Variants in AFG2A observed in about 807,000 individuals in gnomAD.
AFG2A encodes the protein AAA ATPase AFG2A, also known as ATPase family gene 2 protein homolog A.
the AFG2A span, among the ~76,000 whole-genome samples, chr4:122,969,159 C>T: frequency 3.4e-3 from 512 of 151,584 alleles, 3 homozygotes; most frequent in Middle Eastern, 0.014. Flanking sequence ...TCCAGTTCAT[C>T]AGTCTTTTTC....
chr4:123,211,793 C>T, the AFG2A span, among the ~76,000 whole-genome samples: 3 of 151,994 alleles, frequency 2.0e-5, no homozygotes, highest in East Asian at 5.8e-4. Context: ...GAAGAGTAAA[C>T]CTGTGGTTGT....
At chr4:123,270,327 A>G in the AFG2A span, among the ~76,000 whole-genome samples, 1 of 152,326 alleles carries the variant, frequency 6.6e-6, no homozygotes, top group East Asian at 1.9e-4. Context: ...GACAATAACT[A>G]TTTAGTCTGA....
chr4:122,985,116 T>G, the AFG2A span, among the ~76,000 whole-genome samples: 1 of 147,588 alleles, frequency 6.8e-6, no homozygotes, highest in East Asian at 1.9e-4. Context: ...GTTGGAAAAT[T>G]TTTTTTTTCT....
chr4:123,001,391 A>T, the AFG2A span, among the ~76,000 whole-genome samples: 6 of 151,726 alleles, frequency 4.0e-5, no homozygotes, highest in South Asian at 2.1e-4. Context: ...TCTAATTGTG[A>T]TGTTAGGGTG....
At chr4:123,102,753 T>C in the AFG2A span, among the ~76,000 whole-genome samples, 2 of 151,362 alleles carry the variant, frequency 1.3e-5, no homozygotes, top group African/African-American at 2.4e-5. Flanking sequence ...TTAAAGTACA[T>C]AAAGAGTATT....
At chr4:123,002,165 T>C in the AFG2A span, among the ~76,000 whole-genome samples, 12 of 152,182 alleles carry the variant, frequency 7.9e-5, no homozygotes, top group South Asian at 1.2e-3. Context: ...TGGTAGATCT[T>C]CCTCCATCCT....
chr4:123,257,358 G>T, the AFG2A span, among the ~76,000 whole-genome samples: 5 of 152,098 alleles, frequency 3.3e-5, no homozygotes, highest in Admixed American at 1.3e-4. Context: ...GCTACATCTG[G>T]ATAAATCCAT....
chr4:123,241,484 A>G, the AFG2A span, among the ~76,000 whole-genome samples: 1 of 152,100 alleles, frequency 6.6e-6, no homozygotes, highest in South Asian at 2.1e-4. Context: ...CAACATACGC[A>G]AATCAATAAA....
At chr4:122,996,589 A>ATAGAT in the AFG2A span, among the ~76,000 whole-genome samples, 3 of 151,708 alleles carry the variant, frequency 2.0e-5, no homozygotes, top group South Asian at 6.3e-4. Flanking sequence ...AGATAGATAG[A>ATAGAT]TAGATAGATA....
At chr4:123,085,446 A>G in the AFG2A span, among the ~76,000 whole-genome samples, 2 of 152,170 alleles carry the variant, frequency 1.3e-5, no homozygotes, top group East Asian at 1.9e-4. Context: ...TTATCATTAT[A>G]TAATACCCCT....
At chr4:122,940,772 C>T in the AFG2A span, among the ~76,000 whole-genome samples, 5 of 151,220 alleles carry the variant, frequency 3.3e-5, no homozygotes, top group African/African-American at 9.7e-5. Context: ...TTAGGTCTAA[C>T]GTTTAAGTCT....
the AFG2A span, among the ~76,000 whole-genome samples, chr4:123,182,766 T>C: frequency 1.3e-5 from 2 of 152,214 alleles, no homozygotes; most frequent in Non-Finnish European, 2.9e-5. Context: ...TTGACCCTTC[T>C]TCCCTCAGTT....
At chr4:123,128,540 T>A in the AFG2A span, among the ~76,000 whole-genome samples, 43 of 152,284 alleles carry the variant, frequency 2.8e-4, no homozygotes, top group South Asian at 6.4e-3. Context: ...AAATTTTTTT[T>A]AAAGTTAGAG....
chr4:123,055,691 C>T, the AFG2A span, among the ~76,000 whole-genome samples: 1 of 152,146 alleles, frequency 6.6e-6, no homozygotes, highest in Non-Finnish European at 1.5e-5. Context: ...TGTGTTTGTG[C>T]ATGCATGCAT....
chr4:123,290,280 C>A, the AFG2A span, among the ~76,000 whole-genome samples: 151,755 of 152,324 alleles, frequency 1, 75,595 homozygotes, highest in Middle Eastern at 1. Context: ...TGCCCAGACC[C>A]ATGTCCAGCA....
At chr4:123,232,497 T>A in the AFG2A span, among the ~76,000 whole-genome samples, 32 of 152,116 alleles carry the variant, frequency 2.1e-4, no homozygotes, top group Admixed American at 1.8e-3. Context: ...TTTAACAACC[T>A]GGAATTCATT....
At chr4:123,201,602 T>A in the AFG2A span, among the ~76,000 whole-genome samples, 3,715 of 152,218 alleles carry the variant, frequency 0.024, 147 homozygotes, top group African/African-American at 0.084. Flanking sequence ...CGAGTTAATC[T>A]TGGGTAACAA....
chr4:123,286,878 T>C, the AFG2A span, among the ~76,000 whole-genome samples: 110,592 of 151,666 alleles, frequency 0.73, 41,396 homozygotes, highest in Non-Finnish European at 0.81. Flanking sequence ...AAAAAGTATA[T>C]GTTCACATGG....
At chr4:123,233,879 T>C in the AFG2A span, among the ~76,000 whole-genome samples, 1 of 152,028 alleles carries the variant, frequency 6.6e-6, no homozygotes, top group Non-Finnish European at 1.5e-5. Context: ...TACTCAACAA[T>C]TCAAGCAAAA....
Sources: allele counts gnomAD v4.1 joint callset (sites outside exome capture counted in the v4.1 genomes callset), GRCh38; gene constraint gnomAD v4.1.1; transcripts MANE v1.5; gene names NCBI Gene and HGNC (gene_info 2026-07-23, HGNC 2026-07-21).